The following DISP1 variants were observed in gnomAD, a reference collection of about 807,000 sequenced individuals.
The protein encoded by DISP1 is dispatched RND transporter family member 1, also known as protein dispatched homolog 1.
A neutral mutation model predicts 37.3 loss-of-function variants in DISP1; 30 were observed. The ratio of observed to expected loss-of-function variants is 0.80; its 90% confidence interval spans 0.60 to 1.09. The LOEUF is 1.09. DISP1 is among the 50% of genes least tolerant of loss of function. DISP1 has a pLI of 0.00. For missense variants in DISP1, 1,598 were observed against 1,879.5 expected, an observed-to-expected ratio of 0.85 and a Z score of 2.77; for synonymous variants, 634 against 690.2, an observed-to-expected ratio of 0.92 and a Z score of 1.28.
chr1:222,844,201 G>C (rs1667770093), intron 1 of DISP1, among the ~76,000 whole-genome samples: 1 of 152,020 alleles, frequency 6.6e-6, no homozygotes, highest in South Asian at 2.1e-4. Flanking sequence ...ATTCCTTTGT[G>C]ATGTAAGACA....
chr1:222,870,442 C>T (rs982133319), intron 1 of DISP1, among the ~76,000 whole-genome samples: 7 of 152,152 alleles, frequency 4.6e-5, no homozygotes, highest in African/African-American at 1.7e-4. Context: ...CACATCCTCT[C>T]CAGCACCTGT....
intron 1 of DISP1, among the ~76,000 whole-genome samples, chr1:222,914,823 C>T (rs779921569): frequency 1.3e-5 from 2 of 151,860 alleles, no homozygotes; most frequent in Non-Finnish European, 2.9e-5. Context: ...AATAATTAGC[C>T]GGGGACGGTA....
chr1:222,930,135 G>A (rs1341763620), intron 2 of DISP1, among the ~76,000 whole-genome samples: 3 of 152,086 alleles, frequency 2.0e-5, no homozygotes, highest in Non-Finnish European at 4.4e-5. Context: ...TGAACCAGTG[G>A]AGCCTTTTGG....
At chr1:222,907,944 A>G (rs149602355) in intron 1 of DISP1, among the ~76,000 whole-genome samples, 3,548 of 152,302 alleles carry the variant, frequency 0.023, 123 homozygotes, top group African/African-American at 0.081. Flanking sequence ...GCAAGACTCC[A>G]TCTCAAAATA....
chr1:222,986,794 C>G (rs1489574315), intron 4 of DISP1, among the ~76,000 whole-genome samples: 2 of 152,186 alleles, frequency 1.3e-5, no homozygotes, highest in African/African-American at 2.4e-5. Flanking sequence ...GCTAGTACAG[C>G]AGTAGGGCCT....
intron 4 of DISP1, among the ~76,000 whole-genome samples, chr1:222,988,964 C>G (rs1312540619): frequency 6.6e-6 from 1 of 152,160 alleles, no homozygotes; most frequent in Non-Finnish European, 1.5e-5. Flanking sequence ...TTTAAGATTA[C>G]TTTAAAAGAG....
chr1:222,913,277 A>G (rs902660062), intron 1 of DISP1, among the ~76,000 whole-genome samples: 15 of 152,202 alleles, frequency 9.9e-5, no homozygotes, highest in African/African-American at 3.6e-4. Context: ...ATATTAACAA[A>G]TTAAGCAAAT....
intron 1 of DISP1, among the ~76,000 whole-genome samples, chr1:222,855,220 T>A (rs1668483189): frequency 6.6e-6 from 1 of 152,238 alleles, no homozygotes; most frequent in South Asian, 2.1e-4. Flanking sequence ...CTGTGCTCTC[T>A]TATTCTTTTC....
chr1:222,916,991 G>A (rs1057016024), intron 1 of DISP1, among the ~76,000 whole-genome samples: 2 of 152,120 alleles, frequency 1.3e-5, no homozygotes, highest in African/African-American at 2.4e-5. Context: ...GGGAATTCAC[G>A]CCCCAAGCGC....
chr1:223,004,712 C>T lies in DISP1; in HGVS notation c.3315C>T (p.Tyr1105=). The stretch of plus-strand genomic sequence containing the variant: ...TGATGCCCTCCACAGTTCTAGCTTA[C>T]ACCCAGCTGGGCACCTTCATGATGC... ...AMMMPSTVLA[Y]TQLGTFMMLI... is the part of the protein sequence containing the mutation. The change falls in exon 9 of 9, where the codon TAC becomes TAT. Residue 1105 remains tyrosine (Y), a synonymous_variant. Coordinates refer to ENST00000675850, the MANE Select transcript of DISP1 (RefSeq NM_001377229.1). The surrounding 1 kb of genome is among the most constrained non-coding windows in gnomAD (Gnocchi z 4.9). The T allele has an allele frequency of 1.9e-6, 3 of 1,614,026 alleles. No individual in the cohort carries two copies. The highest frequency in any genetic ancestry group is 2.5e-6 in the Non-Finnish European group (3 of 1,180,042).
rs190422104 is a variant in DISP1 at position 222,886,370 on chromosome 1, C to T, written c.-158-42060C>T. 2.0e-5 allele frequency among the ~76,000 whole-genome samples: 3 copies of T among 152,278 alleles called. 1 individual carries two copies. Among genetic ancestry groups the T allele is most frequent in the Admixed American group, 2.0e-4 (3 of 15,300 alleles). On this transcript the variant is annotated intron_variant, in intron 1 of 8. Coordinates refer to ENST00000675850, the MANE Select transcript of DISP1 (RefSeq NM_001377229.1). ...AGTTTCATATGCTGTCGGGTTCAGA[C>T]GTTCATGTAGTCATGAAATGTTTAT...
intron 4 of DISP1, among the ~76,000 whole-genome samples, chr1:222,986,271 G>A (rs528381194): frequency 6.6e-6 from 1 of 151,326 alleles, no homozygotes; most frequent in Non-Finnish European, 1.5e-5. Context: ...AGAGAAAAAA[G>A]AAGAGTGTTT....
At chr1:222,820,662 C>A (rs1276776637) in intron 1 of DISP1, among the ~76,000 whole-genome samples, 2 of 152,188 alleles carry the variant, frequency 1.3e-5, no homozygotes, top group Non-Finnish European at 2.9e-5. Context: ...TGCTCACTTG[C>A]AGCCTCAGCA....
intron 1 of DISP1, chr1:222,836,932 T>C (rs1471269841): frequency 1.5e-5 from 6 of 396,686 alleles, no homozygotes; most frequent in Non-Finnish European, 2.7e-5. Context: ...GGGATTATAA[T>C]ACCTACCTAT....
rs1368380629 is a variant in DISP1, at chr1:222,893,768, C to G, written c.-158-34662C>G. Among the ~76,000 whole-genome samples the G allele has an allele frequency of 1.3e-5, 2 of 152,184 alleles. No homozygotes were observed. Among genetic ancestry groups the G allele is most frequent in the East Asian group, 1.9e-4 (1 of 5,176 alleles). On this transcript the variant is annotated intron_variant, in intron 1 of 8. Transcript: ENST00000675850. The surrounding 1 kb of genome is among the most constrained non-coding windows in gnomAD (Gnocchi z 4.3). ...GGAGCTCCTAGATGTGGGCTCCCTT[C>G]TCTCCTTCTTGTTGCCCACAACGTG... is the stretch of plus-strand genomic sequence containing the variant.
intron 4 of DISP1, among the ~76,000 whole-genome samples, chr1:222,984,413 A>T (rs1253618756): frequency 5.4e-5 from 3 of 55,228 alleles, no homozygotes; most frequent in East Asian, 1.4e-3. Flanking sequence ...CAAAAAAAAA[A>T]AAAAAAAAAT....
chr1:222,925,185 A>T (rs10495204), intron 1 of DISP1, among the ~76,000 whole-genome samples: 10,448 of 152,220 alleles, frequency 0.069, 506 homozygotes, highest in East Asian at 0.25. Flanking sequence ...TGTTTAAATG[A>T]AGTGATTAGA....
At chr1:222,841,261 A>AT (rs1334132389) in intron 1 of DISP1, among the ~76,000 whole-genome samples, 2 of 151,990 alleles carry the variant, frequency 1.3e-5, no homozygotes, top group South Asian at 4.1e-4. Flanking sequence ...AAGTAGTTTT[A>AT]TTTTTTAGTA....
At chr1:222,954,606 T>G (rs1675458445) in intron 3 of DISP1, among the ~76,000 whole-genome samples, 1 of 152,072 alleles carries the variant, frequency 6.6e-6, no homozygotes, top group African/African-American at 2.4e-5. Flanking sequence ...ATAACCCAAC[T>G]CTCTGAATGC....
Sources: gnomAD v4.1 joint callset for allele counts (sites outside exome capture counted in the v4.1 genomes callset) on GRCh38, gnomAD v4.1.1 for gene constraint, Gnocchi (gnomAD v3.1) non-coding constraint, MANE v1.5 for transcripts, NCBI Gene and HGNC (gene_info 2026-07-23, HGNC 2026-07-21) for gene names.